The following APLP2 variants were observed in gnomAD, a reference collection of about 807,000 sequenced individuals.
APLP2 encodes the protein CDEI box-binding protein.
A neutral mutation model predicts 89.9 loss-of-function variants in APLP2; 53 were observed. The observed-to-expected ratio is 0.59, with a 90% confidence interval of 0.47 to 0.74. The LOEUF (loss-of-function observed/expected upper bound fraction) is 0.74. Among genes scored for constraint, APLP2 ranks in the 30% least tolerant of loss-of-function variants. The probability of loss-of-function intolerance (pLI) is 0.00; values close to 1 mark genes in which losing one functional copy is unlikely to be tolerated. For synonymous variants in APLP2, 372 were observed against 348.6 expected, an observed-to-expected ratio of 1.07 and a Z score of -0.75; for missense variants, 973 against 975.9, an observed-to-expected ratio of 1.00 and a Z score of 0.04.
chr11:130,142,830 T>C (rs1023216660), intron 16 of APLP2, among the ~76,000 whole-genome samples: 2 of 152,132 alleles, frequency 1.3e-5, no homozygotes, highest in Admixed American at 1.3e-4. Context: ...ACCAGGGTGA[T>C]CTCAAATCCT....
intron 1 of APLP2, among the ~76,000 whole-genome samples, chr11:130,071,950 T>G (rs1401965055): frequency 6.6e-6 from 1 of 152,236 alleles, no homozygotes; most frequent in Non-Finnish European, 1.5e-5. Context: ...CTGTCGAAGC[T>G]TAATTTAGAT....
intron 1 of APLP2, among the ~76,000 whole-genome samples, chr11:130,075,488 A>G (rs998859943): frequency 6.6e-6 from 1 of 152,174 alleles, no homozygotes; most frequent in Non-Finnish European, 1.5e-5. Context: ...CCAAATGTGG[A>G]TAGTGCTTTT....
chr11:130,081,187 C>T (rs1376206624), intron 1 of APLP2, among the ~76,000 whole-genome samples: 5 of 151,854 alleles, frequency 3.3e-5, no homozygotes, highest in African/African-American at 1.2e-4. Flanking sequence ...GAATAATTTC[C>T]AGGTCATTAC....
intron 1 of APLP2, among the ~76,000 whole-genome samples, chr11:130,084,029 G>A (rs1006473919): frequency 1.3e-5 from 2 of 152,124 alleles, no homozygotes; most frequent in African/African-American, 4.8e-5. Flanking sequence ...GGCGGATCAC[G>A]AGGTCAGGGG....
At position 130,127,802 on chromosome 11, in the gene APLP2, A is replaced by G. The variant is rs143884497; in HGVS notation, c.1258A>G (p.Lys420Glu). 8.1e-6 allele frequency: 13 copies of G among 1,614,168 alleles called. No individual in the cohort carries two copies. In the East Asian group the frequency reaches 2.9e-4, roughly 36 times the overall value. Residue 420 changes from lysine (K) to glutamate (E), a missense_variant, in exon 9 of 17, where the codon AAG (lysine) becomes GAG (glutamate). Transcript: ENST00000338167. ...ATGGGAAGAGGCAGAGCTTCAAGCT[A>G]AGAACCTCCCCAAAGCAGAGAGGCA... is the stretch of plus-strand genomic sequence containing the variant. The part of the protein sequence containing the change: ...KEWEEAELQA[K>E]NLPKAERQTL...
intron 13 of APLP2, among the ~76,000 whole-genome samples, chr11:130,136,545 C>T (rs760609962): frequency 2.0e-5 from 3 of 152,104 alleles, no homozygotes; most frequent in African/African-American, 2.4e-5. Flanking sequence ...TCTGGTCCTG[C>T]AGTCACAGAC....
At chr11:130,103,700 C>T (rs1324853042) in intron 1 of APLP2, among the ~76,000 whole-genome samples, 1 of 152,164 alleles carries the variant, frequency 6.6e-6, no homozygotes, top group Non-Finnish European at 1.5e-5. Context: ...CCATTCCACG[C>T]TGTGGCTTGG....
At chr11:130,135,979 C>T (rs1304420504) in intron 13 of APLP2, among the ~76,000 whole-genome samples, 2 of 152,220 alleles carry the variant, frequency 1.3e-5, no homozygotes, top group East Asian at 1.9e-4. Context: ...CTTCTTCCAA[C>T]TTGTGCACTT....
intron 2 of APLP2, 100 bp from the exon 3 acceptor site, chr11:130,110,438 A>C: frequency 2.1e-6 from 3 of 1,413,662 alleles, no homozygotes. Flanking sequence ...TATGTAGGAT[A>C]AGGGTGGAGG....
chr11:130,110,097 A>C (rs1948361178), intron 2 of APLP2, among the ~76,000 whole-genome samples: 1 of 152,118 alleles, frequency 6.6e-6, no homozygotes, highest in Non-Finnish European at 1.5e-5. Context: ...CAGCCTCCCA[A>C]AGTGCTGGGA....
chr11:130,110,998 G>T (rs1057818), intron 3 of APLP2, among the ~76,000 whole-genome samples: 3,597 of 152,258 alleles, frequency 0.024, 75 homozygotes, highest in African/African-American at 0.058. Context: ...AGCAGCCCCA[G>T]GAGAAGAGTC....
Position 130,091,292 on chromosome 11 carries a change from G to C in APLP2, c.106-18137G>C, listed in dbSNP as rs1296320356. Among the ~76,000 whole-genome samples, 308 of 133,848 alleles carry C rather than the reference G, an allele frequency of 2.3e-3. No individual in the cohort carries two copies. In the East Asian group the frequency reaches 0.031, roughly 13 times the overall value. The allele number at this position is 133,848 out of a possible 152,430, so 87.8% of individuals were successfully genotyped here. A position where few individuals can be genotyped will look rare whatever the true frequency, so the allele number is the denominator to read the frequency against. ...GGCTGACCCCCCCACCTCCCTCCCG[G>C]ACGGGGCGGCTGGCCGGGCGGGGGG... is the stretch of plus-strand genomic sequence containing the variant. On this transcript the variant is annotated intron_variant, in intron 1 of 16. Coordinates refer to ENST00000338167, the MANE Select transcript of APLP2 (RefSeq NM_001142276.2).
chr11:130,109,245 C>G, intron 1 of APLP2, 184 bp from the exon 2 acceptor site: 2 of 444,512 alleles, frequency 4.5e-6, no homozygotes, highest in Non-Finnish European at 7.6e-6. Context: ...TCACTTTGAT[C>G]ATACACATCC....
chr11:130,126,349 C>T (rs1027535892), intron 7 of APLP2, among the ~76,000 whole-genome samples: 2 of 152,136 alleles, frequency 1.3e-5, no homozygotes, highest in African/African-American at 4.8e-5. Flanking sequence ...TGCTCAGTTA[C>T]GAGCAATAAG....
At chr11:130,110,398 G>T in intron 2 of APLP2, 140 bp from the exon 3 acceptor site, 1 of 1,025,774 alleles carries the variant, frequency 9.7e-7, no homozygotes, top group Non-Finnish European at 1.4e-6. Context: ...TTCAGTTAGA[G>T]CCAGGGATAA....
chr11:130,110,552 A>G lies in APLP2; in HGVS notation c.294A>G (p.Leu98=). The G allele has an allele frequency of 2.5e-6, 4 of 1,613,872 alleles. No homozygotes were observed. Among genetic ancestry groups the G allele is most frequent in the Non-Finnish European group, 3.4e-6 (4 of 1,179,952 alleles). ...LQYCQEMYPE[L]QITNVMEANQ... Reference sequence around the variant, plus strand: ...TTTCTTAACAGATGTATCCAGAGCTACAGATCACAAATGTGATGGAGGCAA... The same window carrying G: ...TTTCTTAACAGATGTATCCAGAGCTGCAGATCACAAATGTGATGGAGGCAA... The change falls in exon 3 of 17, where the codon CTA becomes CTG. Residue 98 remains leucine, a synonymous_variant. Transcript: ENST00000338167.
intron 7 of APLP2, among the ~76,000 whole-genome samples, chr11:130,126,045 T>G (rs1298789248): frequency 6.6e-6 from 1 of 152,174 alleles, no homozygotes; most frequent in Non-Finnish European, 1.5e-5. Flanking sequence ...CGGTGAAAGG[T>G]GTCCTTGTCA....
At chr11:130,121,856 A>T in intron 5 of APLP2, 46 bp downstream of exon 5, 1 of 1,585,920 alleles carries the variant, frequency 6.3e-7, no homozygotes, top group South Asian at 1.1e-5. Flanking sequence ...CCTTTTTGTT[A>T]GCCCTTCTGT....
At chr11:130,084,445 A>G (rs1447980696) in intron 1 of APLP2, among the ~76,000 whole-genome samples, 1 of 152,118 alleles carries the variant, frequency 6.6e-6, no homozygotes, top group East Asian at 1.9e-4. Context: ...TTTTGTTGAC[A>G]TCCTTTGCGT....
Sources: allele counts gnomAD v4.1 joint callset (sites outside exome capture counted in the v4.1 genomes callset), GRCh38; gene constraint gnomAD v4.1.1; transcripts MANE v1.5; gene names NCBI Gene and HGNC (gene_info 2026-07-23, HGNC 2026-07-21).